Variants in CDC42EP1 observed in about 807,000 individuals in gnomAD.
CDC42EP1 encodes the protein 55 kDa bone marrow stromal/endothelial cell protein.
A neutral mutation model predicts 7.4 loss-of-function variants in CDC42EP1; 6 were observed. That is an observed-to-expected ratio of 0.81 (90% CI 0.44 to 1.60). The LOEUF is 1.60. Ranked by LOEUF, CDC42EP1 falls within the 40% of genes most tolerant of loss-of-function variation. CDC42EP1 has a pLI of 0.01. For synonymous variants in CDC42EP1, 238 were observed against 227.1 expected (o/e 1.05, Z -0.43); for missense variants, 567 against 539.0 (o/e 1.05, Z -0.51).
At position 37,568,880 on chromosome 22, in the gene CDC42EP1, G is replaced by C; in HGVS notation, c.*60G>C. The C allele has an allele frequency of 8.1e-7, 1 of 1,232,022 alleles. No individual in the cohort carries two copies. The highest frequency in any genetic ancestry group is 1.1e-6 in the Non-Finnish European group (1 of 923,174). 76.3% of individuals were successfully genotyped at this position (1,232,022 alleles called of 1,614,324 possible). ...TGCAGAGCCGGCCCCTCACCTAACA[G>C]CTGGTTCCTACCAGACCGGAGAGGG... On this transcript the variant is annotated 3_prime_UTR_variant, in exon 3 of 3. Transcript: ENST00000249014.
chr22:37,566,823 G>T lies in CDC42EP1; in HGVS notation c.463+11G>T. 1 of 1,531,436 alleles carries T rather than the reference G, an allele frequency of 6.5e-7. No individual in the cohort carries two copies. Among genetic ancestry groups the T allele is most frequent in the East Asian group, 2.3e-5 (1 of 44,052 alleles). The allele number at this position is 1,531,436 out of a possible 1,614,324, so 94.9% of individuals were successfully genotyped here. On this transcript the variant is annotated intron_variant, in intron 2 of 2. Transcript: ENST00000249014. The surrounding 1 kb of genome is among the most constrained non-coding windows in gnomAD (Gnocchi z 6.4). ...GCCACTCCAGCTACGGTGAGGGCCT[G>T]GGCCATCTTGGCCCACTTTTCAGAG...
chr22:37,568,182 T>C lies in CDC42EP1; in HGVS notation c.538T>C (p.Ser180Pro). Reference protein sequence around the residue: ...EKPHDRDRDGSFPSEPGLRRS... With the variant: ...EKPHDRDRDGPFPSEPGLRRS... The stretch of plus-strand genomic sequence containing the variant: ...GCCGCATGACCGAGACCGGGATGGT[T>C]CCTTCCCCTCTGAGCCCGGGCTTCG... Residue 180 changes from serine (S) to proline (P), a missense_variant, in exon 3 of 3, where the codon TCC becomes CCC. By Grantham distance (74) the Ser-to-Pro change is moderately conservative. Transcript: ENST00000249014. The C allele has an allele frequency of 6.2e-7, 1 of 1,613,938 alleles. No homozygotes were observed. Among genetic ancestry groups the C allele is most frequent in the Non-Finnish European group, 8.5e-7 (1 of 1,179,956 alleles).
In CDC42EP1 at chr22:37,568,963, A is replaced by G. The variant is rs989075237; in HGVS notation, c.*143A>G. 4.0e-6 allele frequency: 2 copies of G among 505,354 alleles called. No homozygotes were observed. Among genetic ancestry groups the G allele is most frequent in the African/African-American group, 4.0e-5 (2 of 50,560 alleles). 31.3% of individuals were successfully genotyped at this position (505,354 alleles called of 1,614,324 possible). On this transcript the variant is annotated 3_prime_UTR_variant, in exon 3 of 3. Coordinates refer to ENST00000249014, the MANE Select transcript of CDC42EP1 (RefSeq NM_152243.3). ...CCTCTGCAGGACAGACATGGGAGGG[A>G]GGACAGGGAAGGCCAGGCTTGCTCT...
chr22:37,566,864 C>T lies in CDC42EP1; in HGVS notation c.463+52C>T. 1 of 1,373,578 alleles carries T rather than the reference C, an allele frequency of 7.3e-7. No individual in the cohort carries two copies. Among genetic ancestry groups the T allele is most frequent in the South Asian group, 1.4e-5 (1 of 70,850 alleles). 85.1% of individuals were successfully genotyped at this position (1,373,578 alleles called of 1,614,324 possible). Reference sequence around the variant, plus strand: ...CTTTTCAGAGGCTGAGGCTGAGGCCCAGAGGGGTTCAGTGGCTCCTCCAAG... The same window carrying T: ...CTTTTCAGAGGCTGAGGCTGAGGCCTAGAGGGGTTCAGTGGCTCCTCCAAG... On this transcript the variant is annotated intron_variant, in intron 2 of 2. Coordinates refer to ENST00000249014, the MANE Select transcript of CDC42EP1 (RefSeq NM_152243.3). This position sits in a 1 kb window ranked among gnomAD's most constrained non-coding sequence, Gnocchi z 6.4.
intron 1 of CDC42EP1, among the ~76,000 whole-genome samples, chr22:37,561,010 C>T (rs1261800068): frequency 6.6e-6 from 1 of 151,614 alleles, no homozygotes; most frequent in Non-Finnish European, 1.5e-5. Context: ...GTGGGGGGCC[C>T]GGGGAGATGG....
In CDC42EP1 at chr22:37,566,325, T is replaced by A; in HGVS notation, c.-25T>A. 4 of 908,438 alleles carry A rather than the reference T, an allele frequency of 4.4e-6. No homozygotes were observed. The highest frequency in any genetic ancestry group is 6.0e-6 in the Non-Finnish European group (4 of 670,542). 56.3% of individuals were successfully genotyped at this position (908,438 alleles called of 1,614,324 possible). ...CCCCCGGCCCCTGGTAGGCATGGACTAGCAGCTGTGAGCAGCCAGAGCTGA... is the reference window on the plus strand; with the variant it reads ...CCCCCGGCCCCTGGTAGGCATGGACAAGCAGCTGTGAGCAGCCAGAGCTGA... On this transcript the variant is annotated 5_prime_UTR_variant, in exon 2 of 3. An upstream open reading frame in the 5' UTR loses its in-frame stop. Coordinates refer to ENST00000249014, the MANE Select transcript of CDC42EP1 (RefSeq NM_152243.3). The surrounding 1 kb of genome is among the most constrained non-coding windows in gnomAD (Gnocchi z 6.4).
chr22:37,567,607 C>T (rs1405825814), intron 2 of CDC42EP1, among the ~76,000 whole-genome samples: 2 of 152,198 alleles, frequency 1.3e-5, no homozygotes, highest in African/African-American at 4.8e-5. Flanking sequence ...GTCTGTAGTC[C>T]TGGAAGCAGG....
chr22:37,560,871 C>G (rs989836344), intron 1 of CDC42EP1, among the ~76,000 whole-genome samples: 3 of 151,702 alleles, frequency 2.0e-5, no homozygotes, highest in Non-Finnish European at 4.4e-5. Flanking sequence ...GGGGGCGAGC[C>G]GAGGGGCAGA....
At chr22:37,565,487 C>T (rs549736856) in intron 1 of CDC42EP1, 1 of 150,982 alleles carries the variant, frequency 6.6e-6, no homozygotes, top group Non-Finnish European at 1.5e-5. Flanking sequence ...GTCCCCTATT[C>T]AGTCAGTACC....
In CDC42EP1 at chr22:37,568,294, C is replaced by T. The variant is rs776909370; in HGVS notation, c.650C>T (p.Pro217Leu). Reference sequence around the variant, plus strand: ...GAGCTGCTAGGGGTCATGAGCCTCCCAGAAGCCCCTGCAGCTGAGACTCCA... The same window carrying T: ...GAGCTGCTAGGGGTCATGAGCCTCCTAGAAGCCCCTGCAGCTGAGACTCCA... ...LSELLGVMSL[P>L]EAPAAETPAP... is the part of the protein sequence containing the mutation. Residue 217 changes from proline (P) to leucine (L), a missense_variant, in exon 3 of 3, where the codon CCA (proline) becomes CTA (leucine). Coordinates refer to ENST00000249014, the MANE Select transcript of CDC42EP1 (RefSeq NM_152243.3). 6 of 1,613,028 alleles carry T rather than the reference C, an allele frequency of 3.7e-6. No individual in the cohort carries two copies. The Admixed American group carries it at 1.0e-4, about 27-fold the overall frequency.
Position 37,568,537 on chromosome 22 carries a change from C to T in CDC42EP1, c.893C>T (p.Ala298Val), listed in dbSNP as rs895353680. Residue 298 changes from alanine to valine, a missense_variant, in exon 3 of 3, where the codon GCT (alanine) becomes GTT (valine). By Grantham distance (64) the Ala-to-Val change is moderately conservative. Coordinates refer to ENST00000249014, the MANE Select transcript of CDC42EP1 (RefSeq NM_152243.3). ...GTAACAGCTGGGTTGGGCCCAGTGG[C>T]TGAGGTGAAGTCCAGCCCAGTGGGA... ...NGVTAGLGPV[A>V]EVKSSPVGGG... The T allele has an allele frequency of 2.0e-5, 32 of 1,609,672 alleles. No homozygotes were observed. Among genetic ancestry groups the T allele is most frequent in the Non-Finnish European group, 2.4e-5 (28 of 1,178,234 alleles).
At position 37,568,794 on chromosome 22, in the gene CDC42EP1, G is replaced by A. The variant is rs369947760; in HGVS notation, c.1150G>A (p.Glu384Lys). Residue 384 changes from glutamate (E) to lysine (K), a missense_variant, in exon 3 of 3, where the codon GAG becomes AAG. Physicochemically the swap from Glu to Lys is moderately conservative, Grantham distance 56 (BLOSUM62 1). Coordinates refer to ENST00000249014, the MANE Select transcript of CDC42EP1 (RefSeq NM_152243.3). The stretch of plus-strand genomic sequence containing the variant: ...AAACACCTTTGAATTTGCGGATGCT[G>A]AGGAGGATGATGAGGTCAAGGTGTG... ...QANTFEFADA[E>K]EDDEVKV 2 of 1,496,326 alleles carry A rather than the reference G, an allele frequency of 1.3e-6. No homozygotes were observed. Among genetic ancestry groups the A allele is most frequent in the African/African-American group, 2.8e-5 (2 of 71,238 alleles). 92.7% of individuals were successfully genotyped at this position (1,496,326 alleles called of 1,614,324 possible). A position where few individuals can be genotyped will look rare whatever the true frequency, so the allele number is the denominator to read the frequency against.
At chr22:37,564,945 A>T (rs1164595575) in intron 1 of CDC42EP1, among the ~76,000 whole-genome samples, 1 of 152,022 alleles carries the variant, frequency 6.6e-6, no homozygotes, top group African/African-American at 2.4e-5. Flanking sequence ...CGCCCAGCTA[A>T]TTTTTTGTAT....
chr22:37,567,551 A>G (rs993044647), intron 2 of CDC42EP1, among the ~76,000 whole-genome samples: 1 of 152,160 alleles, frequency 6.6e-6, no homozygotes, highest in African/African-American at 2.4e-5. Flanking sequence ...GCGGCTGCTC[A>G]GAACCGCACT....
chr22:37,563,081 C>A (rs1925104670), intron 1 of CDC42EP1, among the ~76,000 whole-genome samples: 1 of 151,566 alleles, frequency 6.6e-6, no homozygotes, highest in Admixed American at 6.6e-5. Flanking sequence ...TGCACTCAGC[C>A]TGGGTGACAG....
Position 37,566,043 on chromosome 22 carries a change from C to T in CDC42EP1, c.-278-29C>T, listed in dbSNP as rs551008972. Reference sequence around the variant, plus strand: ...ATTTCCTCCTCTGTCGCGGGCCTGCCGTCACCGCCCATTCTGTCTTCCTTC... The same window carrying T: ...ATTTCCTCCTCTGTCGCGGGCCTGCTGTCACCGCCCATTCTGTCTTCCTTC... On this transcript the variant is annotated intron_variant, in intron 1 of 2. Coordinates refer to ENST00000249014, the MANE Select transcript of CDC42EP1 (RefSeq NM_152243.3). This position sits in a 1 kb window ranked among gnomAD's most constrained non-coding sequence, Gnocchi z 6.4. 2.6e-5 allele frequency: 8 copies of T among 306,728 alleles called. No homozygotes were observed. Among genetic ancestry groups the T allele is most frequent in the Admixed American group, 1.5e-4 (3 of 19,786 alleles). 19.0% of individuals were successfully genotyped at this position (306,728 alleles called of 1,614,324 possible).
Position 37,566,730 on chromosome 22 carries a change from G to A in CDC42EP1, c.381G>A (p.Gln127=), listed in dbSNP as rs757605019. Residue 127 remains glutamine (Q), a synonymous_variant, in exon 2 of 3, where the codon CAG becomes CAA. Transcript: ENST00000249014. The surrounding 1 kb of genome is among the most constrained non-coding windows in gnomAD (Gnocchi z 6.4). Reference sequence around the variant, plus strand: ...CCATCTCCCTGCCCCAGCTCAACCAGGCCGCCTACGACAGCCTCGTGGTTG... The same window carrying A: ...CCATCTCCCTGCCCCAGCTCAACCAAGCCGCCTACGACAGCCTCGTGGTTG... ...KNAISLPQLN[Q]AAYDSLVVGK... 1 of 1,612,094 alleles carries A rather than the reference G, an allele frequency of 6.2e-7. No homozygotes were observed. The highest frequency in any genetic ancestry group is 8.5e-7 in the Non-Finnish European group (1 of 1,179,026).
Position 37,566,363 on chromosome 22 carries a change from A to AG in CDC42EP1, c.20dup (p.Arg8GlnfsTer167). ...CAGCCAGAGCTGATGCCCGGCCCCCAGGGGGGCAGAGGCGCCGCCACCATG... is the reference window on the plus strand; with the variant it reads ...CAGCCAGAGCTGATGCCCGGCCCCCAGGGGGGGCAGAGGCGCCGCCACCATG... On this transcript the variant is annotated frameshift_variant, in exon 2 of 3. Coordinates refer to ENST00000249014, the MANE Select transcript of CDC42EP1 (RefSeq NM_152243.3). LOFTEE classifies it high-confidence loss of function. The surrounding 1 kb of genome is among the most constrained non-coding windows in gnomAD (Gnocchi z 6.4). The AG allele has an allele frequency of 2.5e-6, 3 of 1,198,938 alleles. No homozygotes were observed. Among genetic ancestry groups the AG allele is most frequent in the Non-Finnish European group, 3.2e-6 (3 of 939,224 alleles). 74.3% of individuals were successfully genotyped at this position (1,198,938 alleles called of 1,614,324 possible). A position where few individuals can be genotyped will look rare whatever the true frequency, so the allele number is the denominator to read the frequency against.
rs1268840409 is a variant in CDC42EP1, at chr22:37,560,505, G to A, written c.-362G>A. The A allele has an allele frequency of 6.7e-6, 1 of 149,448 alleles. No homozygotes were observed. Among genetic ancestry groups the A allele is most frequent in the African/African-American group, 2.4e-5 (1 of 41,118 alleles). The allele number at this position is 149,448 out of a possible 1,614,324, so 9.3% of individuals were successfully genotyped here. A position where few individuals can be genotyped will look rare whatever the true frequency, so the allele number is the denominator to read the frequency against. ...GCAGACCGGCCCAGCGACTCTCCCG[G>A]GCTGCCAGCCGGGACGCGCGGCCGC... On this transcript the variant is annotated 5_prime_UTR_variant, in exon 1 of 3. Coordinates refer to ENST00000249014, the MANE Select transcript of CDC42EP1 (RefSeq NM_152243.3).
Sources: gnomAD v4.1 joint callset for allele counts (sites outside exome capture counted in the v4.1 genomes callset) on GRCh38, gnomAD v4.1.1 for gene constraint, Gnocchi (gnomAD v3.1) non-coding constraint, MANE v1.5 for transcripts, NCBI Gene and HGNC (gene_info 2026-07-23, HGNC 2026-07-21) for gene names.